The following EDIL3 variants were observed in gnomAD, a reference collection of about 807,000 sequenced individuals.
EDIL3 encodes the protein EGF-like repeat and discoidin I-like domain-containing protein 3.
In EDIL3, 37 loss-of-function variants were observed where a neutral mutation model predicts 67.4. The ratio of observed to expected loss-of-function variants is 0.55; its 90% CI spans 0.42 to 0.72. The LOEUF is 0.72. EDIL3 is among the 30% of genes least tolerant of loss of function. The pLI is 0.00. For synonymous variants in EDIL3, 195 were observed against 196.3 expected (o/e 0.99, Z 0.05); for missense variants, 527 against 586.3 (o/e 0.90, Z 1.04).
chr5:84,170,087 G>A (rs1001956541), intron 4 of EDIL3, among the ~76,000 whole-genome samples: 1 of 152,144 alleles, frequency 6.6e-6, no homozygotes, highest in Non-Finnish European at 1.5e-5. Context: ...TTGTATAAGT[G>A]AGCTTCAGAT....
At chr5:84,268,995 G>GA (rs1468614061) in intron 1 of EDIL3, among the ~76,000 whole-genome samples, 1 of 152,008 alleles carries the variant, frequency 6.6e-6, no homozygotes, top group Admixed American at 6.6e-5. Context: ...ATATCTTCCT[G>GA]AAAAAGTTTA....
chr5:84,252,498 A>AAAAAAAAAAAAAAAAAAAAC (rs1745043619), intron 2 of EDIL3, among the ~76,000 whole-genome samples: 1 of 142,594 alleles, frequency 7.0e-6, no homozygotes, highest in Non-Finnish European at 1.5e-5. Flanking sequence ...CGTCTCAAAA[A>AAAAAAAAAAAAAAAAAAAAC]AAAAAAAAAA....
chr5:84,169,270 T>C (rs1748767569), intron 4 of EDIL3, among the ~76,000 whole-genome samples: 1 of 152,100 alleles, frequency 6.6e-6, no homozygotes. Flanking sequence ...AAAACTATAA[T>C]ACAAAGAAAT....
chr5:84,339,328 A>G (rs1442421390), intron 1 of EDIL3, among the ~76,000 whole-genome samples: 1 of 152,180 alleles, frequency 6.6e-6, no homozygotes, highest in Admixed American at 6.6e-5. Context: ...CTGGACACAC[A>G]GTGTGCAAAA....
At chr5:83,971,269 TCC>T in intron 9 of EDIL3, among the ~76,000 whole-genome samples, 1 of 150,512 alleles carries the variant, frequency 6.6e-6, no homozygotes, top group African/African-American at 2.5e-5. Context: ...GAAAAAAATA[TCC>T]TTTTTTCTTT....
chr5:84,252,388 G>A (rs965239098), intron 2 of EDIL3, among the ~76,000 whole-genome samples: 2 of 150,706 alleles, frequency 1.3e-5, no homozygotes, highest in Non-Finnish European at 2.9e-5. Context: ...CAGCTTCTCC[G>A]GAGGCTGAGG....
intron 4 of EDIL3, among the ~76,000 whole-genome samples, chr5:84,158,325 T>C (rs575280293): frequency 6.6e-6 from 1 of 152,184 alleles, no homozygotes; most frequent in Non-Finnish European, 1.5e-5. Context: ...AAGAATGGTA[T>C]CTGCACTGAA....
At chr5:84,044,817 C>T (rs555803978) in intron 9 of EDIL3, among the ~76,000 whole-genome samples, 3 of 152,224 alleles carry the variant, frequency 2.0e-5, no homozygotes, top group Non-Finnish European at 4.4e-5. Flanking sequence ...ACCATAAGAG[C>T]CAGGGCAGTT....
chr5:84,193,067 G>A (rs1052186993), intron 3 of EDIL3, among the ~76,000 whole-genome samples: 13 of 151,786 alleles, frequency 8.6e-5, no homozygotes, highest in Admixed American at 2.6e-4. Context: ...GGACCAAACC[G>A]GGCAGCCTTC....
intron 1 of EDIL3, among the ~76,000 whole-genome samples, chr5:84,322,256 G>T (rs116424018): frequency 0.034 from 5,103 of 151,390 alleles, 120 homozygotes; most frequent in Non-Finnish European, 0.051. Context: ...AAGATCTAAT[G>T]GCAGATATAC....
chr5:84,003,404 T>G (rs1466623899), intron 9 of EDIL3, among the ~76,000 whole-genome samples: 1 of 152,030 alleles, frequency 6.6e-6, no homozygotes, highest in South Asian at 2.1e-4. Flanking sequence ...TAGCCCAGGG[T>G]GCCAAGCTAA....
At chr5:84,056,425 C>A (rs190168827) in intron 9 of EDIL3, among the ~76,000 whole-genome samples, 1 of 151,974 alleles carries the variant, frequency 6.6e-6, no homozygotes, top group African/African-American at 2.4e-5. Flanking sequence ...ACATATGTAA[C>A]AAACCTTCAC....
chr5:84,028,966 G>C (rs1054040812), intron 9 of EDIL3, among the ~76,000 whole-genome samples: 2 of 152,074 alleles, frequency 1.3e-5, no homozygotes, highest in Non-Finnish European at 2.9e-5. Context: ...CTCACAAGAA[G>C]AGGAGTTCCA....
At chr5:84,126,822 G>T (rs1029657145) in intron 5 of EDIL3, among the ~76,000 whole-genome samples, 1 of 152,088 alleles carries the variant, frequency 6.6e-6, no homozygotes, top group African/African-American at 2.4e-5. Context: ...GTGGGACTGA[G>T]AATGCCCTTA....
In EDIL3 at chr5:84,066,483, T is replaced by C; in HGVS notation, c.775A>G (p.Met259Val). Residue 259 changes from methionine (M) to valine (V), a missense_variant, in exon 7 of 11, where the codon ATG (methionine) becomes GTG (valine). Around this residue, in one of 2 missense-constraint regions of EDIL3, gnomAD observed 494 missense variants for 522.5 expected, o/e 0.95. Transcript: ENST00000296591. ...AYSNDGKTWA[M>V]YKVKGTNEDM... ...TCATTGGTGCCTTTCACTTTGTACA[T>C]TGCCCAAGTCTTTCCATCATTACTG... 6.2e-7 allele frequency: 1 copy of C among 1,610,380 alleles called. No homozygotes were observed. The highest frequency in any genetic ancestry group is 1.7e-4 in the Middle Eastern group (1 of 6,056).
At chr5:84,184,244 G>A (rs1749062215) in intron 3 of EDIL3, among the ~76,000 whole-genome samples, 1 of 152,192 alleles carries the variant, frequency 6.6e-6, no homozygotes, top group African/African-American at 2.4e-5. Flanking sequence ...AGCCTACTAT[G>A]TCTTTGTAAA....
intron 1 of EDIL3, among the ~76,000 whole-genome samples, chr5:84,324,873 G>A (rs1452666869): frequency 6.6e-6 from 1 of 151,292 alleles, no homozygotes; most frequent in Non-Finnish European, 1.5e-5. Flanking sequence ...TAAGAAATCT[G>A]AATAGACCTA....
At chr5:84,125,889 T>C (rs1051439671) in intron 5 of EDIL3, among the ~76,000 whole-genome samples, 4 of 152,028 alleles carry the variant, frequency 2.6e-5, no homozygotes, top group Non-Finnish European at 5.9e-5. Flanking sequence ...CAACTTCAGA[T>C]AGCAGCCCCT....
chr5:84,331,764 A>C (rs1309243667), intron 1 of EDIL3, among the ~76,000 whole-genome samples: 1 of 152,224 alleles, frequency 6.6e-6, no homozygotes, highest in Non-Finnish European at 1.5e-5. Flanking sequence ...TAAATTTAAT[A>C]CTGGGATCAA....
Sources: allele counts gnomAD v4.1 joint callset (sites outside exome capture counted in the v4.1 genomes callset), GRCh38; gene constraint gnomAD v4.1.1; regional missense constraint gnomAD v4.1.1; transcripts MANE v1.5; gene names NCBI Gene and HGNC (gene_info 2026-07-23, HGNC 2026-07-21).